The following SFSWAP variants were observed in gnomAD, a reference collection of about 807,000 sequenced individuals.
SFSWAP encodes the protein splicing factor, suppressor of white-apricot homolog.
In SFSWAP, 17 loss-of-function variants were observed where a neutral mutation model predicts 100.7. The observed-to-expected ratio is 0.17, with a 90% CI of 0.12 to 0.25. The LOEUF (loss-of-function observed/expected upper bound fraction) is 0.25. SFSWAP is among the 10% of genes least tolerant of loss of function. SFSWAP has a pLI of 1.00. For synonymous variants in SFSWAP, 504 were observed against 510.1 expected, an observed-to-expected ratio of 0.99 and a Z score of 0.16; for missense variants, 1,005 against 1,262.6, an observed-to-expected ratio of 0.80 and a Z score of 3.09.
At position 131,753,345 on chromosome 12, in the gene SFSWAP, C is replaced by T. The variant is rs540636422; in HGVS notation, c.1304C>T (p.Ser435Phe). ...TTAETSSGAT[S>F]TTTTTSALAP... ...GCAGAGACTAGCAGCGGGGCCACCT[C>T]CACAACCACCACCACAAGGTAGGTG... The change falls in exon 8 of 18, where the codon TCC (serine) becomes TTC (phenylalanine). Residue 435 changes from serine (S) to phenylalanine (F), a missense_variant. Around this residue, in one of 7 missense-constraint regions of SFSWAP, gnomAD observed 311 missense variants for 317.8 expected, o/e 0.98. Coordinates refer to ENST00000261674, the MANE Select transcript of SFSWAP (RefSeq NM_004592.4). The T allele has an allele frequency of 8.1e-6, 13 of 1,613,240 alleles. No homozygotes were observed. The highest frequency in any genetic ancestry group is 9.3e-6 in the Non-Finnish European group (11 of 1,179,358).
intron 13 of SFSWAP, among the ~76,000 whole-genome samples, chr12:131,773,747 G>A (rs1012089275): frequency 1.3e-5 from 2 of 152,250 alleles, no homozygotes; most frequent in Admixed American, 1.3e-4. Flanking sequence ...AATCTCTGCT[G>A]TGTGCTAGGT....
At chr12:131,779,989 T>C (rs575776187) in intron 14 of SFSWAP, among the ~76,000 whole-genome samples, 20 of 152,216 alleles carry the variant, frequency 1.3e-4, no homozygotes, top group Non-Finnish European at 2.8e-4. Context: ...TTTCACCATG[T>C]TGGCCAGGCT....
intron 1 of SFSWAP, chr12:131,713,417 T>G (rs1350201905): frequency 4.6e-5 from 7 of 152,256 alleles, no homozygotes; most frequent in Non-Finnish European, 1.0e-4. Flanking sequence ...TCTAATAGTT[T>G]TGCTCTGTTC....
At position 131,794,711 on chromosome 12, in the gene SFSWAP, G is replaced by T. The variant is rs547964388; in HGVS notation, c.2535-2467G>T. 6.6e-6 allele frequency among the ~76,000 whole-genome samples: 1 copy of T among 152,348 alleles called. No individual in the cohort carries two copies. The highest frequency in any genetic ancestry group is 1.9e-4 in the East Asian group (1 of 5,186). ...ATTGAGGAGCCTTCTGGAATGAAGG[G>T]ACGCCCCTGCGTGGATAAGGCCCAG... On this transcript the variant is annotated intron_variant, in intron 15 of 17. Transcript: ENST00000261674. The surrounding 1 kb of genome is among the most constrained non-coding windows in gnomAD (Gnocchi z 4.8).
chr12:131,726,202 A>AT (rs36110578), intron 5 of SFSWAP, among the ~76,000 whole-genome samples: 55 of 149,160 alleles, frequency 3.7e-4, no homozygotes, highest in African/African-American at 1.0e-3. Context: ...CTTCCATTGA[A>AT]TTTTTTTTTT....
chr12:131,768,030 A>G lies in SFSWAP; in HGVS notation c.2142+1722A>G, dbSNP rs115971825. On this transcript the variant is annotated intron_variant, in intron 13 of 17. Transcript: ENST00000261674. ...GAAGATGCCCCCAGCACCCCAGGCG[A>G]TTGCATGCGCGTGCTCGCTCATCTA... Among the ~76,000 whole-genome samples, 880 of 152,376 alleles carry G rather than the reference A, an allele frequency of 5.8e-3. 12 individuals carry two copies. The highest frequency in any genetic ancestry group is 0.02 in the African/African-American group (837 of 41,588).
At chr12:131,786,372 A>G (rs1884888081) in intron 14 of SFSWAP, 91 bp from the exon 15 acceptor site, 1 of 1,452,784 alleles carries the variant, frequency 6.9e-7, no homozygotes, top group African/African-American at 1.4e-5. Flanking sequence ...GCCTCTGCAG[A>G]CGGGGCCTGA....
chr12:131,724,909 T>C (rs1046403586), intron 4 of SFSWAP, among the ~76,000 whole-genome samples: 13 of 152,200 alleles, frequency 8.5e-5, no homozygotes, highest in African/African-American at 3.1e-4. Context: ...TGGCGTACTC[T>C]TGTGGCTTTT....
At chr12:131,723,238 C>G (rs1878651116) in intron 4 of SFSWAP, 1 of 152,066 alleles carries the variant, frequency 6.6e-6, no homozygotes, top group Non-Finnish European at 1.5e-5. Context: ...AGTGACTGGC[C>G]TTTTGTTCAG....
intron 14 of SFSWAP, among the ~76,000 whole-genome samples, chr12:131,783,041 C>T (rs998567655): frequency 2.0e-5 from 3 of 151,870 alleles, no homozygotes; most frequent in Non-Finnish European, 2.9e-5. Context: ...ATCAGCCAGG[C>T]GTGTTGGTGT....
chr12:131,740,966 CTTTTTTTTTTT>C (rs60047663), intron 7 of SFSWAP, among the ~76,000 whole-genome samples: 1 of 70,136 alleles, frequency 1.4e-5, no homozygotes, highest in Non-Finnish European at 2.5e-5. Context: ...TCTTTTTTTT[CTTTTTTTTTTT>C]TTTTTTTTTT....
intron 15 of SFSWAP, among the ~76,000 whole-genome samples, chr12:131,791,390 A>G: frequency 6.6e-6 from 1 of 151,866 alleles, no homozygotes; most frequent in Non-Finnish European, 1.5e-5. Context: ...CTCTATCTCA[A>G]AGAAAAATAA....
intron 11 of SFSWAP, among the ~76,000 whole-genome samples, chr12:131,760,949 G>A (rs1882622069): frequency 6.6e-6 from 1 of 152,188 alleles, no homozygotes; most frequent in Non-Finnish European, 1.5e-5. Flanking sequence ...GCGGGCACCT[G>A]TAATCCCAGC....
intron 5 of SFSWAP, among the ~76,000 whole-genome samples, chr12:131,726,183 C>T (rs1431946907): frequency 6.6e-6 from 1 of 150,806 alleles, no homozygotes; most frequent in Non-Finnish European, 1.5e-5. Flanking sequence ...TATACACACA[C>T]ACACACATCT....
chr12:131,774,122 C>T (rs1214105699), intron 13 of SFSWAP, among the ~76,000 whole-genome samples: 4 of 152,078 alleles, frequency 2.6e-5, no homozygotes, highest in African/African-American at 9.7e-5. Flanking sequence ...AGTGTGGCTG[C>T]GGGGCACGGG....
At chr12:131,763,305 C>T (rs1882831772) in intron 11 of SFSWAP, among the ~76,000 whole-genome samples, 2 of 152,200 alleles carry the variant, frequency 1.3e-5, no homozygotes, top group African/African-American at 4.8e-5. Context: ...GAACCCACTT[C>T]CCTCTCAGTC....
chr12:131,779,135 G>T (rs574830427), intron 14 of SFSWAP, among the ~76,000 whole-genome samples: 2 of 149,004 alleles, frequency 1.3e-5, no homozygotes, highest in Admixed American at 6.6e-5. Context: ...CACACACTTC[G>T]TGTGGCACCG....
At chr12:131,777,205 A>G (rs959635368) in intron 13 of SFSWAP, among the ~76,000 whole-genome samples, 2 of 152,088 alleles carry the variant, frequency 1.3e-5, no homozygotes, top group African/African-American at 4.8e-5. Flanking sequence ...GGTTAGTTAC[A>G]TATGTATACA....
In SFSWAP at chr12:131,733,361, G is replaced by A. The variant is rs1879693619; in HGVS notation, c.1081+4933G>A. 1.3e-5 allele frequency among the ~76,000 whole-genome samples: 2 copies of A among 152,210 alleles called. No homozygotes were observed. The highest frequency in any genetic ancestry group is 2.9e-5 in the Non-Finnish European group (2 of 68,044). On this transcript the variant is annotated intron_variant, in intron 7 of 17. Coordinates refer to ENST00000261674, the MANE Select transcript of SFSWAP (RefSeq NM_004592.4). This position sits in a 1 kb window ranked among gnomAD's most constrained non-coding sequence, Gnocchi z 5.1. ...GCCTATAAGGCGCCTTTCACATTGA[G>A]GGTCTTAGGATTTGCAGTCCAGCTT...
Sources: gnomAD v4.1 joint callset for allele counts (sites outside exome capture counted in the v4.1 genomes callset) on GRCh38, gnomAD v4.1.1 for gene constraint, gnomAD v4.1.1 regional missense constraint, Gnocchi (gnomAD v3.1) non-coding constraint, MANE v1.5 for transcripts, NCBI Gene and HGNC (gene_info 2026-07-23, HGNC 2026-07-21) for gene names.